The following FSD1L variants were observed in gnomAD, a reference collection of about 807,000 sequenced individuals.
FSD1L encodes the protein fibronectin type III and SPRY domain containing 1 like.
FSD1L carries 45 observed loss-of-function variants against 71.6 expected under a neutral mutation model. The observed-to-expected ratio is 0.63, with a 90% CI of 0.49 to 0.81. FSD1L has a LOEUF of 0.81. FSD1L is among the 30% of genes least tolerant of loss of function. The probability of loss-of-function intolerance (pLI) is 0.00; values close to 1 mark genes in which losing one functional copy is unlikely to be tolerated. For synonymous variants in FSD1L, 197 were observed against 207.2 expected, an observed-to-expected ratio of 0.95 and a Z score of 0.42; for missense variants, 561 against 618.1, an observed-to-expected ratio of 0.91 and a Z score of 0.98.
chr9:105,522,534 C>T, intron 10 of FSD1L: 1 of 1,613,612 alleles, frequency 6.2e-7, no homozygotes, highest in Non-Finnish European at 8.5e-7. Context: ...TGATGATGCT[C>T]AAATACTTCC....
chr9:105,461,593 CA>C lies in FSD1L; in HGVS notation c.90del (p.Glu31SerfsTer35). 6.4e-7 allele frequency: 1 copy of C among 1,550,516 alleles called. No individual in the cohort carries two copies. Among genetic ancestry groups the C allele is most frequent in the Non-Finnish European group, 8.7e-7 (1 of 1,145,730 alleles). On this transcript the variant is annotated frameshift_variant, in exon 2 of 14. Coordinates refer to ENST00000481272, the MANE Select transcript of FSD1L (RefSeq NM_001145313.3). LOFTEE classifies it high-confidence loss of function. ...CTGATCTCTAACATCACTATTGGAC[CA>C]GAGTCTATTAACTTGCAGCAGGTTG... ...CFLISNITIGPESINLQQEAL... is the reference protein window; with the variant it reads ...CFLISNITIGXESINLQQEAL...
chr9:105,466,285 C>A (rs1241488628), intron 3 of FSD1L, among the ~76,000 whole-genome samples: 1 of 152,118 alleles, frequency 6.6e-6, no homozygotes, highest in Non-Finnish European at 1.5e-5. Flanking sequence ...TTAGAATTAA[C>A]ATTGTTAAAA....
intron 7 of FSD1L, among the ~76,000 whole-genome samples, chr9:105,490,075 A>G (rs373736970): frequency 1.3e-5 from 2 of 152,220 alleles, no homozygotes; most frequent in Non-Finnish European, 2.9e-5. Context: ...CTGAGGAATC[A>G]CCACACTGAC....
intron 1 of FSD1L, among the ~76,000 whole-genome samples, chr9:105,455,727 C>T (rs1363506321): frequency 6.6e-6 from 1 of 152,122 alleles, no homozygotes; most frequent in Non-Finnish European, 1.5e-5. Flanking sequence ...CTTTTTCCAA[C>T]CATAAAATGT....
chr9:105,469,182 G>T (rs1290644498), intron 4 of FSD1L, among the ~76,000 whole-genome samples: 2 of 152,108 alleles, frequency 1.3e-5, no homozygotes, highest in African/African-American at 4.8e-5. Flanking sequence ...GGACATTTTG[G>T]CAGCTTACAC....
Position 105,534,476 on chromosome 9 carries a change from TC to T in FSD1L, c.1026-16del. ...GTATAAAATATTTGTTTTTCTTTTT[TC>T]TTTTTGTTTATATAGAAGTGGTACA... On this transcript the variant is annotated splice_polypyrimidine_tract_variant and intron_variant, in intron 10 of 13. Coordinates refer to ENST00000481272, the MANE Select transcript of FSD1L (RefSeq NM_001145313.3). The T allele has an allele frequency of 1.4e-6, 2 of 1,401,034 alleles. No individual in the cohort carries two copies. Among genetic ancestry groups the T allele is most frequent in the Non-Finnish European group, 2.0e-6 (2 of 1,023,548 alleles). 86.8% of individuals were successfully genotyped at this position (1,401,034 alleles called of 1,614,324 possible). A position where few individuals can be genotyped will look rare whatever the true frequency, so the allele number is the denominator to read the frequency against.
intron 10 of FSD1L, among the ~76,000 whole-genome samples, chr9:105,514,855 G>A (rs1834605565): frequency 6.6e-6 from 1 of 152,114 alleles, no homozygotes; most frequent in South Asian, 2.1e-4. Flanking sequence ...GGGCCTGAGA[G>A]TCAAGAAGGT....
intron 10 of FSD1L, among the ~76,000 whole-genome samples, chr9:105,518,631 G>A (rs564628755): frequency 0.011 from 1,732 of 152,130 alleles, 49 homozygotes; most frequent in African/African-American, 0.04. Flanking sequence ...AAGACACAAT[G>A]TACTAGAATC....
chr9:105,538,578 T>A (rs1836410327), intron 12 of FSD1L, among the ~76,000 whole-genome samples: 1 of 151,854 alleles, frequency 6.6e-6, no homozygotes, highest in African/African-American at 2.4e-5. Flanking sequence ...GTTTAGGAGG[T>A]CAGACAGACA....
intron 10 of FSD1L, among the ~76,000 whole-genome samples, chr9:105,513,798 T>C (rs1324839298): frequency 1.3e-5 from 2 of 152,182 alleles, no homozygotes; most frequent in African/African-American, 4.8e-5. Flanking sequence ...TGTTTTGAAT[T>C]TACATTGTAG....
intron 1 of FSD1L, among the ~76,000 whole-genome samples, chr9:105,456,159 G>T (rs1170660287): frequency 6.6e-6 from 1 of 152,154 alleles, no homozygotes; most frequent in Non-Finnish European, 1.5e-5. Context: ...TAGCCGTTCT[G>T]ACCTTTTCAT....
At chr9:105,481,123 T>C (rs1051527038) in intron 6 of FSD1L, among the ~76,000 whole-genome samples, 1 of 139,048 alleles carries the variant, frequency 7.2e-6, no homozygotes, top group African/African-American at 2.7e-5. Context: ...ATCTCAGGAA[T>C]TAGGGTTCAG....
At chr9:105,459,462 A>G (rs902437631) in intron 1 of FSD1L, among the ~76,000 whole-genome samples, 4 of 152,228 alleles carry the variant, frequency 2.6e-5, no homozygotes, top group African/African-American at 9.6e-5. Context: ...GCTAAATATG[A>G]GCCTTGGATT....
intron 10 of FSD1L, chr9:105,521,590 C>T (rs1250370789): frequency 6.2e-7 from 1 of 1,613,338 alleles, no homozygotes; most frequent in Non-Finnish European, 8.5e-7. Flanking sequence ...GAGGAAAAAC[C>T]TTTGTTCATG....
rs182897048 is a variant in FSD1L at position 105,492,367 on chromosome 9, T to C, written c.586+7865T>C. Among the ~76,000 whole-genome samples the C allele has an allele frequency of 9.3e-3, 1,411 of 152,206 alleles. 25 individuals are homozygous for C. Among genetic ancestry groups the C allele is most frequent in the African/African-American group, 0.033 (1,350 of 41,516 alleles). On this transcript the variant is annotated intron_variant, in intron 7 of 13. Coordinates refer to ENST00000481272, the MANE Select transcript of FSD1L (RefSeq NM_001145313.3). Reference sequence around the variant, plus strand: ...AGATCCCCTTTATCATTTTTTATTGTGTCTATTTGATTCTTCTCTCTTTTC... The same window carrying C: ...AGATCCCCTTTATCATTTTTTATTGCGTCTATTTGATTCTTCTCTCTTTTC...
At chr9:105,491,279 G>C (rs1038086530) in intron 7 of FSD1L, among the ~76,000 whole-genome samples, 1 of 151,176 alleles carries the variant, frequency 6.6e-6, no homozygotes. Flanking sequence ...TTGTGAATGG[G>C]AGTTCACTCA....
intron 12 of FSD1L, among the ~76,000 whole-genome samples, chr9:105,536,420 A>C (rs950339016): frequency 2.0e-5 from 3 of 152,082 alleles, no homozygotes; most frequent in Non-Finnish European, 4.4e-5. Flanking sequence ...CTAGTATGTC[A>C]GTGTTTTTCT....
intron 5 of FSD1L, among the ~76,000 whole-genome samples, chr9:105,475,206 T>C (rs1300058214): frequency 6.6e-6 from 1 of 152,128 alleles, no homozygotes; most frequent in Non-Finnish European, 1.5e-5. Context: ...TGTAACTAAA[T>C]TGCCATCACA....
chr9:105,479,109 G>A (rs1275307376), intron 5 of FSD1L, among the ~76,000 whole-genome samples: 6 of 152,152 alleles, frequency 3.9e-5, no homozygotes, highest in East Asian at 1.9e-4. Context: ...GAATTTGTTC[G>A]AAGTGTTAAA....
Sources: allele counts gnomAD v4.1 joint callset (sites outside exome capture counted in the v4.1 genomes callset), GRCh38; gene constraint gnomAD v4.1.1; transcripts MANE v1.5; gene names NCBI Gene and HGNC (gene_info 2026-07-23, HGNC 2026-07-21).